Variants in TBL1X observed in about 807,000 individuals in gnomAD.
TBL1X encodes the protein transducin beta like 1 X-linked.
A neutral mutation model predicts 50.7 loss-of-function variants in TBL1X; 10 were observed. The observed-to-expected ratio is 0.20, with a 90% CI of 0.12 to 0.33. The LOEUF (loss-of-function observed/expected upper bound fraction) is 0.33. TBL1X is among the 10% of genes least tolerant of loss of function. The pLI is 1.00. For synonymous variants in TBL1X, 190 were observed against 214.7 expected (o/e 0.88, Z 1.01); for missense variants, 340 against 504.4 (o/e 0.67, Z 3.12).
At chrX:9,569,000 G>GTGT (rs1168566620) in intron 2 of TBL1X, among the ~76,000 whole-genome samples, 1 of 109,746 alleles carries the variant, frequency 9.1e-6, no homozygotes, top group East Asian at 2.9e-4. Context: ...TGTGCTGTGT[G>GTGT]TGTGTCTGTG....
intron 1 of TBL1X, among the ~76,000 whole-genome samples, chrX:9,467,813 G>C (rs1487227112): frequency 1.8e-5 from 2 of 111,849 alleles, no homozygotes; most frequent in Non-Finnish European, 3.8e-5. Context: ...AGAAAAGCTG[G>C]ATATGGGAAG....
At chrX:9,628,185 T>C (rs1490238297) in intron 2 of TBL1X, among the ~76,000 whole-genome samples, 2 of 112,747 alleles carry the variant, frequency 1.8e-5, no homozygotes, top group Non-Finnish European at 3.7e-5. Flanking sequence ...GTTTTCCTTT[T>C]ACATTAGGGT....
intron 2 of TBL1X, among the ~76,000 whole-genome samples, chrX:9,619,892 C>T (rs1001544928): frequency 8.9e-6 from 1 of 112,312 alleles, no homozygotes; most frequent in Admixed American, 9.4e-5. Context: ...GCTGTGCACA[C>T]GTAAATCAGT....
At chrX:9,621,042 T>C (rs1013939514) in intron 2 of TBL1X, among the ~76,000 whole-genome samples, 2 of 111,687 alleles carry the variant, frequency 1.8e-5, no homozygotes, top group Non-Finnish European at 3.8e-5. Context: ...GTGTGACTTA[T>C]GGAGACTACA....
chrX:9,572,087 T>C (rs1272894244), intron 2 of TBL1X, among the ~76,000 whole-genome samples: 5 of 111,961 alleles, frequency 4.5e-5, no homozygotes, highest in Admixed American at 3.8e-4. Context: ...TTCCAGGTGG[T>C]GCGTGGTGAA....
intron 2 of TBL1X, among the ~76,000 whole-genome samples, chrX:9,526,455 T>G (rs1182836922): frequency 8.9e-6 from 1 of 111,832 alleles, no homozygotes; most frequent in Non-Finnish European, 1.9e-5. Context: ...ATGACTCTGG[T>G]GTGGTCTTTT....
At chrX:9,659,735 T>G (rs1294179954) in intron 5 of TBL1X, among the ~76,000 whole-genome samples, 1 of 112,204 alleles carries the variant, frequency 8.9e-6, no homozygotes, top group African/African-American at 3.2e-5. Flanking sequence ...TAAACATGAC[T>G]GGTTTTATAG....
intron 1 of TBL1X, among the ~76,000 whole-genome samples, chrX:9,486,174 C>T (rs1329284291): frequency 2.7e-5 from 3 of 110,776 alleles, no homozygotes; most frequent in East Asian, 2.8e-4. Context: ...GCATCATCTG[C>T]GTGATAAAAC....
chrX:9,556,470 C>A (rs2082300255), intron 2 of TBL1X, among the ~76,000 whole-genome samples: 1 of 107,254 alleles, frequency 9.3e-6, no homozygotes, highest in Admixed American at 1.0e-4. Flanking sequence ...CCAGCCTGGG[C>A]AACATGGCAA....
In TBL1X at chrX:9,627,998, T is replaced by C. The variant is rs146232509; in HGVS notation, c.-130-12275T>C. On this transcript the variant is annotated intron_variant, in intron 2 of 17. Transcript: ENST00000645353. ...TTAGAAGATGCATAACCAGCCTTGC[T>C]GTTCAAGAATGTTAGGAATGAAAAC... 4.9e-3 allele frequency among the ~76,000 whole-genome samples: 551 copies of C among 112,619 alleles called. 15 individuals are homozygous for C. Among genetic ancestry groups the C allele is most frequent in the Admixed American group, 0.037 (398 of 10,642 alleles).
intron 3 of TBL1X, 66 bp from the exon 4 acceptor site, chrX:9,653,479 G>A (rs1387337228): frequency 1.6e-5 from 11 of 685,338 alleles, no homozygotes; most frequent in Middle Eastern, 3.1e-4. Flanking sequence ...CGGATGCAGC[G>A]GATTCTGTGG....
chrX:9,588,883 G>A (rs1349336686), intron 2 of TBL1X, among the ~76,000 whole-genome samples: 1 of 111,293 alleles, frequency 9.0e-6, no homozygotes, highest in Non-Finnish European at 1.9e-5. Context: ...GATTACAGGT[G>A]TGAGCCACTG....
chrX:9,581,827 G>T (rs1178040424), intron 2 of TBL1X, among the ~76,000 whole-genome samples: 1 of 112,155 alleles, frequency 8.9e-6, no homozygotes, highest in African/African-American at 3.2e-5. Flanking sequence ...GAAGCCTCCT[G>T]TACATAGAGC....
In TBL1X at chrX:9,688,049, G is replaced by A. The variant is rs144498979; in HGVS notation, c.390G>A (p.Glu130=). Residue 130 remains glutamate, a synonymous_variant, in exon 7 of 18, where the codon GAG becomes GAA. Transcript: ENST00000645353. ...DGTVFDGRPI[E]SLSLIDAVMP... ...CAGTGTTCGACGGCCGCCCCATAGA[G>A]TCCCTGTCACTGATAGACGCCGTGA... The A allele has an allele frequency of 2.5e-6, 3 of 1,208,838 alleles. No homozygotes were observed. Among genetic ancestry groups the A allele is most frequent in the African/African-American group, 3.5e-5 (2 of 57,248 alleles).
At chrX:9,694,896 C>A (rs1311743173) in intron 11 of TBL1X, among the ~76,000 whole-genome samples, 1 of 108,676 alleles carries the variant, frequency 9.2e-6, no homozygotes, top group Non-Finnish European at 1.9e-5. Context: ...TCATTTGAAC[C>A]TGGGGTGAGC....
intron 2 of TBL1X, among the ~76,000 whole-genome samples, chrX:9,509,135 C>G (rs756372136): frequency 2.2e-3 from 241 of 107,379 alleles, no homozygotes; most frequent in African/African-American, 7.8e-3. Context: ...CACCTGTAAT[C>G]CCAGCACTTT....
intron 1 of TBL1X, among the ~76,000 whole-genome samples, chrX:9,466,732 C>T (rs1319832847): frequency 2.7e-5 from 3 of 112,072 alleles, no homozygotes; most frequent in Non-Finnish European, 3.8e-5. Flanking sequence ...GAAAAGTTTA[C>T]AAGTCCTTCC....
At chrX:9,674,259 C>T (rs558720393) in intron 5 of TBL1X, among the ~76,000 whole-genome samples, 1 of 110,734 alleles carries the variant, frequency 9.0e-6, no homozygotes, top group South Asian at 3.9e-4. Context: ...TCCCCCCGCC[C>T]GATATATATT....
At chrX:9,691,821 C>A (rs2083099898) in intron 8 of TBL1X, 110 bp downstream of exon 8, 1 of 1,044,976 alleles carries the variant, frequency 9.6e-7, no homozygotes, top group Non-Finnish European at 1.3e-6. Context: ...CCTTCTTACC[C>A]CGGTGTGTGG....
Sources: allele counts gnomAD v4.1 joint callset (sites outside exome capture counted in the v4.1 genomes callset), GRCh38; gene constraint gnomAD v4.1.1; transcripts MANE v1.5; gene names NCBI Gene and HGNC (gene_info 2026-07-23, HGNC 2026-07-21).